KDR: variants seen among roughly 807,000 people sequenced by gnomAD.
KDR encodes kinase insert domain receptor.
In KDR, 43 loss-of-function variants were observed where a neutral mutation model predicts 160.9. The observed-to-expected ratio is 0.27, with a 90% CI of 0.21 to 0.34. KDR has a LOEUF of 0.34. KDR is among the 10% of genes least tolerant of loss of function. The probability of loss-of-function intolerance (pLI) is 1.00; values close to 1 mark genes in which losing one functional copy is unlikely to be tolerated. For missense variants in KDR, 1,469 were observed against 1,666.4 expected, an observed-to-expected ratio of 0.88 and a Z score of 2.06; for synonymous variants, 617 against 600.1, an observed-to-expected ratio of 1.03 and a Z score of -0.41.
chr4:55,098,039 A>C, intron 17 of KDR, 98 bp downstream of exon 17: 1 of 1,467,794 alleles, frequency 6.8e-7, no homozygotes. Flanking sequence ...TCTAAACCAG[A>C]ATCCAACATC....
Position 55,087,675 on chromosome 4 carries a change from A to C in KDR, c.3594T>G (p.Pro1198=). The change falls in exon 27 of 30, where the codon CCT becomes CCG. Residue 1198 remains proline (P), a synonymous_variant. Coordinates refer to ENST00000263923, the MANE Select transcript of KDR (RefSeq NM_002253.4). ...EDSGLSLPTS[P]VSCMEEEEVC... is the part of the protein sequence containing the mutation. ...CTTCCTCCTCCTCCATACAGGAAAC[A>C]GGTGAGGTAGGCAGAGAGAGTCCAG... The C allele has an allele frequency of 3.7e-6, 6 of 1,614,038 alleles. No homozygotes were observed. Among genetic ancestry groups the C allele is most frequent in the Non-Finnish European group, 5.1e-6 (6 of 1,179,864 alleles).
chr4:55,118,966 T>G (rs1246431847), intron 2 of KDR, among the ~76,000 whole-genome samples, 166 bp from the exon 3 acceptor site: 1 of 152,182 alleles, frequency 6.6e-6, no homozygotes, highest in Non-Finnish European at 1.5e-5. Context: ...CCCAGCACTT[T>G]GGGAGGCCAA....
At chr4:55,081,681 C>T (rs1323383635) in intron 29 of KDR, among the ~76,000 whole-genome samples, 9 of 152,186 alleles carry the variant, frequency 5.9e-5, no homozygotes. Context: ...TTCATTTAGC[C>T]ATTACTGACC....
At chr4:55,102,601 A>C in intron 13 of KDR, 93 bp from the exon 14 acceptor site, 1 of 1,364,586 alleles carries the variant, frequency 7.3e-7, no homozygotes, top group South Asian at 1.2e-5. Flanking sequence ...TAAATTTAGT[A>C]AAAAGGAACT....
intron 29 of KDR, 124 bp downstream of exon 29, chr4:55,081,832 T>C: frequency 1.5e-6 from 1 of 676,560 alleles, no homozygotes; most frequent in East Asian, 2.6e-5. Context: ...ATTTGTTAAA[T>C]TGATGCTAAT....
At position 55,114,184 on chromosome 4, in the gene KDR, G is replaced by A. The variant is rs371956918; in HGVS notation, c.740C>T (p.Thr247Ile). 5.0e-6 allele frequency: 8 copies of A among 1,613,856 alleles called. No individual in the cohort carries two copies. The highest frequency in any genetic ancestry group is 4.0e-5 in the African/African-American group (3 of 74,890). The change falls in exon 6 of 30, where the codon ACA (threonine) becomes ATA (isoleucine). Residue 247 changes from threonine to isoleucine, a missense_variant. Physicochemically the swap from Thr to Ile is moderately conservative, Grantham distance 89 (BLOSUM62 -1). Coordinates refer to ENST00000263923, the MANE Select transcript of KDR (RefSeq NM_002253.4). ...CCCCACATTTAGTTCAGTTCTTGCT[G>A]TACAATTTAAGACAAGCTTTTCTCC... ...SVGEKLVLNCTARTELNVGID... is the reference protein window; with the variant it reads ...SVGEKLVLNCIARTELNVGID...
chr4:55,118,282 C>G (rs1241474989), intron 3 of KDR, among the ~76,000 whole-genome samples: 1 of 152,148 alleles, frequency 6.6e-6, no homozygotes, highest in Non-Finnish European at 1.5e-5. Context: ...AAATCTTCCT[C>G]GATTTCAAGA....
Position 55,096,290 on chromosome 4 carries a change from G to A in KDR, c.2667C>T (p.Leu889=). Residue 889 remains leucine, a synonymous_variant, in exon 19 of 30, where the codon CTC becomes CTT. Transcript: ENST00000263923. The part of the protein sequence containing the change: ...HRALMSELKI[L]IHIGHHLNVV... ...CATTGAGATGGTGACCAATATGAAT[G>A]AGGATCTTGAGTTCAGACATGAGAG... 2 of 1,613,768 alleles carry A rather than the reference G, an allele frequency of 1.2e-6. No homozygotes were observed. Among genetic ancestry groups the A allele is most frequent in the Non-Finnish European group, 1.7e-6 (2 of 1,179,814 alleles).
rs749143449 is a variant in KDR, at chr4:55,098,148, C to T, written c.2498G>A (p.Arg833Gln). The T allele has an allele frequency of 1.2e-5, 20 of 1,613,902 alleles. No individual in the cohort carries two copies. The highest frequency in any genetic ancestry group is 1.4e-5 in the Non-Finnish European group (17 of 1,179,876). Reference sequence around the variant, plus strand: ...AATTGAAAATGCACCTAGCTTCAGCCGGTCTCTGGGGAATTCCCATTTGCT... The same window carrying T: ...AATTGAAAATGCACCTAGCTTCAGCTGGTCTCTGGGGAATTCCCATTTGCT... ...DASKWEFPRD[R>Q]LKLGKPLGRG... Residue 833 changes from arginine to glutamine, a missense_variant, in exon 17 of 30, where the codon CGG becomes CAG. By Grantham distance (43) the Arg-to-Gln change is conservative. Coordinates refer to ENST00000263923, the MANE Select transcript of KDR (RefSeq NM_002253.4).
Position 55,096,308 on chromosome 4 carries a change from C to T in KDR, c.2649G>A (p.Met883Ile). Residue 883 changes from methionine to isoleucine, a missense_variant, in exon 19 of 30, where the codon ATG becomes ATA. This residue lies in a region of KDR where 151 missense variants were observed against 207.2 expected (regional missense o/e 0.73). Coordinates refer to ENST00000263923, the MANE Select transcript of KDR (RefSeq NM_002253.4). ...TATGAATGAGGATCTTGAGTTCAGA[C>T]ATGAGAGCTCGATGCTCACTGTGTG... ...GATHSEHRAL[M>I]SELKILIHIG... The T allele has an allele frequency of 6.2e-7, 1 of 1,613,494 alleles. No individual in the cohort carries two copies.
At chr4:55,098,322 T>C (rs764460428) in intron 16 of KDR, 50 bp from the exon 17 acceptor site, 7 of 1,607,808 alleles carry the variant, frequency 4.4e-6, no homozygotes, top group Non-Finnish European at 5.1e-6. Flanking sequence ...GTTTGGCTGT[T>C]GTTTTGTGTG....
chr4:55,083,087 C>G (rs1050915905), intron 27 of KDR, among the ~76,000 whole-genome samples: 1 of 152,174 alleles, frequency 6.6e-6, no homozygotes, highest in Non-Finnish European at 1.5e-5. Context: ...GAGGAAACAT[C>G]TGAAGGTCTC....
intron 1 of KDR, among the ~76,000 whole-genome samples, chr4:55,123,825 C>T (rs1298365412): frequency 6.6e-6 from 1 of 152,176 alleles, no homozygotes; most frequent in Non-Finnish European, 1.5e-5. Flanking sequence ...GCCTCTGTCT[C>T]TAGAATTTGA....
In KDR at chr4:55,124,545, C is replaced by G. The variant is rs146667123; in HGVS notation, c.67+682G>C. Among the ~76,000 whole-genome samples, 159 of 152,260 alleles carry G rather than the reference C, an allele frequency of 1.0e-3. 1 individual carries two copies. Among genetic ancestry groups the G allele is most frequent in the African/African-American group, 3.6e-3 (150 of 41,558 alleles). On this transcript the variant is annotated intron_variant, in intron 1 of 29. Transcript: ENST00000263923. ...GCTTTGAAAGATGTGCAATGCTTTA[C>G]GCAGGACAGTTGGCTGTTACTTGGA...
rs770805149 is a variant in KDR at position 55,115,370 on chromosome 4, C to T, written c.400G>A (p.Gly134Arg). 9 of 1,552,102 alleles carry T rather than the reference C, an allele frequency of 5.8e-6. No individual in the cohort carries two copies. The South Asian group carries it at 8.9e-5, about 15-fold the overall frequency. ...TTGTTCTCAGTAATGTACACGACTC[C>T]ATGTTGGTCACTAACAGAAGCAATA... ...PFIASVSDQHGVVYITENKNK... is the reference protein window; with the variant it reads ...PFIASVSDQHRVVYITENKNK... Residue 134 changes from glycine (G) to arginine (R), a missense_variant, in exon 4 of 30, where the codon GGA (glycine) becomes AGA (arginine). Physicochemically the swap from Gly to Arg is moderately radical, Grantham distance 125. Coordinates refer to ENST00000263923, the MANE Select transcript of KDR (RefSeq NM_002253.4).
chr4:55,086,527 A>T (rs1457468056), intron 27 of KDR, among the ~76,000 whole-genome samples: 2 of 152,234 alleles, frequency 1.3e-5, no homozygotes, highest in Non-Finnish European at 1.5e-5. Flanking sequence ...ATCAAAAAAA[A>T]AGATCATTGT....
At chr4:55,101,858 A>G (rs1352085109) in intron 15 of KDR, 39 bp downstream of exon 15, 4 of 1,538,906 alleles carry the variant, frequency 2.6e-6, no homozygotes, top group Non-Finnish European at 2.7e-6. Flanking sequence ...ATAGCATTCC[A>G]TGGTGTATAT....
chr4:55,085,680 A>G lies in KDR; in HGVS notation c.3662+1927T>C, dbSNP rs537069579. On this transcript the variant is annotated intron_variant, in intron 27 of 29. Transcript: ENST00000263923. ...GAGGTGGAGAGGAGATGCAGACAAA[A>G]GATTCCAATTTCCATTTTATTTTTC... is the stretch of plus-strand genomic sequence containing the variant. Among the ~76,000 whole-genome samples, 25 of 152,370 alleles carry G rather than the reference A, an allele frequency of 1.6e-4. No individual in the cohort carries two copies. In the South Asian group the frequency reaches 5.0e-3, roughly 30 times the overall value.
intron 23 of KDR, 51 bp downstream of exon 23, chr4:55,089,905 A>G (rs1243423716): frequency 6.2e-7 from 1 of 1,610,612 alleles, no homozygotes; most frequent in Admixed American, 1.7e-5. Context: ...CTCTACGAGG[A>G]GTTTTAATTC....
Sources: gnomAD v4.1 joint callset for allele counts (sites outside exome capture counted in the v4.1 genomes callset) on GRCh38, gnomAD v4.1.1 for gene constraint, gnomAD v4.1.1 regional missense constraint, MANE v1.5 for transcripts, NCBI Gene and HGNC (gene_info 2026-07-23, HGNC 2026-07-21) for gene names.